KLHL8: variants seen among roughly 807,000 people sequenced by gnomAD.
KLHL8 encodes kelch-like protein 8.
A neutral mutation model predicts 63.5 loss-of-function variants in KLHL8; 38 were observed. That is an observed-to-expected ratio of 0.60 (90% CI 0.46 to 0.78). KLHL8 has a LOEUF of 0.78. KLHL8 is among the 30% of genes least tolerant of loss of function. KLHL8 has a pLI of 0.00. For missense variants in KLHL8, 566 were observed against 752.4 expected, an observed-to-expected ratio of 0.75 and a Z score of 2.90; for synonymous variants, 224 against 254.3, an observed-to-expected ratio of 0.88 and a Z score of 1.13.
At chr4:87,176,620 T>C in intron 6 of KLHL8, 137 bp downstream of exon 6, 2 of 594,246 alleles carry the variant, frequency 3.4e-6, no homozygotes, top group Admixed American at 3.5e-5. Context: ...AGTATCACTT[T>C]GGACATGCTA....
At chr4:87,182,858 A>G (rs1731107339) in intron 4 of KLHL8, among the ~76,000 whole-genome samples, 1 of 152,182 alleles carries the variant, frequency 6.6e-6, no homozygotes, top group Non-Finnish European at 1.5e-5. Flanking sequence ...AGAAACCTAA[A>G]TAAGATACTC....
chr4:87,189,581 T>G (rs1460155896), intron 2 of KLHL8, among the ~76,000 whole-genome samples: 1 of 152,094 alleles, frequency 6.6e-6, no homozygotes, highest in African/African-American at 2.4e-5. Flanking sequence ...ACTCCACTAG[T>G]TAGGACTTCA....
At chr4:87,205,321 C>G (rs374631509) in intron 1 of KLHL8, among the ~76,000 whole-genome samples, 1 of 152,084 alleles carries the variant, frequency 6.6e-6, no homozygotes, top group African/African-American at 2.4e-5. Context: ...GTGGGAGGAT[C>G]GCTTGAGCCC....
chr4:87,176,545 A>G (rs1156432749), intron 6 of KLHL8, among the ~76,000 whole-genome samples: 2 of 152,194 alleles, frequency 1.3e-5, no homozygotes, highest in Non-Finnish European at 2.9e-5. Flanking sequence ...AACTGTGACT[A>G]CCATATGGTA....
intron 1 of KLHL8, among the ~76,000 whole-genome samples, chr4:87,232,747 T>G (rs6846247): frequency 0.028 from 4,339 of 152,278 alleles, 203 homozygotes; most frequent in African/African-American, 0.099. Flanking sequence ...GTTTTAATTT[T>G]TCCCTAATCT....
chr4:87,202,286 A>G (rs1731949191), intron 1 of KLHL8, among the ~76,000 whole-genome samples: 1 of 152,156 alleles, frequency 6.6e-6, no homozygotes, highest in South Asian at 2.1e-4. Context: ...TTTTTAAAAG[A>G]TCAACATATT....
chr4:87,185,670 C>T lies in KLHL8; in HGVS notation c.346G>A (p.Asp116Asn), dbSNP rs150632753. ...TLIEIRDFDG[D>N]AIEDLVKFVY... ...AACTTTACCAAGTCTTCTATTGCAT[C>T]ACCATCAAAATCTCTAATCTCAATC... The change falls in exon 3 of 10, where the codon GAT (aspartate) becomes AAT (asparagine). Residue 116 changes from aspartate to asparagine, a missense_variant. By Grantham distance (23) the Asp-to-Asn change is conservative. Transcript: ENST00000273963. 6.9e-5 allele frequency: 111 copies of T among 1,614,170 alleles called. No homozygotes were observed. In the African/African-American group the frequency reaches 1.3e-3, roughly 19 times the overall value.
chr4:87,169,631 G>A (rs764695898), intron 8 of KLHL8, among the ~76,000 whole-genome samples: 4 of 152,196 alleles, frequency 2.6e-5, no homozygotes, highest in Admixed American at 6.5e-5. Flanking sequence ...GGAGGGCAAG[G>A]CAGGAGGATC....
intron 1 of KLHL8, among the ~76,000 whole-genome samples, chr4:87,237,919 CTGTT>C (rs1443536298): frequency 6.6e-6 from 1 of 152,022 alleles, no homozygotes; most frequent in Admixed American, 6.6e-5. Context: ...TATCTGTGTT[CTGTT>C]AATGTGTTTT....
chr4:87,164,944 C>T lies in KLHL8; in HGVS notation c.1538-865G>A, dbSNP rs184742842. 2.0e-3 allele frequency among the ~76,000 whole-genome samples: 309 copies of T among 151,884 alleles called. 4 individuals carry two copies. In the East Asian group the frequency reaches 0.03, roughly 15 times the overall value. ...GGGGCCGATCACGAGGTCAGGAGAT[C>T]GAGACCATCCTGGCTAACACGGTGA... On this transcript the variant is annotated intron_variant, in intron 8 of 9. Transcript: ENST00000273963.
chr4:87,213,193 C>T (rs1732475170), intron 1 of KLHL8, among the ~76,000 whole-genome samples: 1 of 152,100 alleles, frequency 6.6e-6, no homozygotes, highest in African/African-American at 2.4e-5. Flanking sequence ...GTCTAAAAGT[C>T]TAGTATAAAG....
At chr4:87,167,599 G>A (rs1730452225) in intron 8 of KLHL8, 1 of 505,116 alleles carries the variant, frequency 2.0e-6, no homozygotes, top group Admixed American at 2.2e-5. Flanking sequence ...GCCATCCACA[G>A]GAAGCAGCAC....
At chr4:87,208,863 T>C (rs573626920) in intron 1 of KLHL8, among the ~76,000 whole-genome samples, 17 of 152,364 alleles carry the variant, frequency 1.1e-4, no homozygotes, top group African/African-American at 4.1e-4. Flanking sequence ...ACTATTTCTA[T>C]GAAAAGGGCT....
intron 8 of KLHL8, among the ~76,000 whole-genome samples, chr4:87,168,706 ATGTGTATATATATACGTATATATATG>A (rs1304825836): frequency 4.1e-5 from 6 of 146,138 alleles, no homozygotes; most frequent in Admixed American, 1.4e-4. Flanking sequence ...ACGTATATAT[ATGTGTATATATATACGTATATATATG>A]TGTGTATATA....
At position 87,170,235 on chromosome 4, in the gene KLHL8, G is replaced by C. The variant is rs960585682; in HGVS notation, c.1381C>G (p.His461Asp). Residue 461 changes from histidine (H) to aspartate (D), a missense_variant, in exon 8 of 10, where the codon CAT (histidine) becomes GAT (aspartate). By Grantham distance (81) the His-to-Asp change is moderately conservative. Coordinates refer to ENST00000273963, the MANE Select transcript of KLHL8 (RefSeq NM_020803.5). ...TCATTGCCACCTACTGCATAAACATGGTTCTAAATGAAGAGAGTCAAACAA... is the reference window on the plus strand; with the variant it reads ...TCATTGCCACCTACTGCATAAACATCGTTCTAAATGAAGAGAGTCAAACAA... The part of the protein sequence containing the change: ...GGVGSVALVN[H>D]VYAVGGNDGM... The C allele has an allele frequency of 6.2e-7, 1 of 1,605,766 alleles. No individual in the cohort carries two copies. Among genetic ancestry groups the C allele is most frequent in the Non-Finnish European group, 8.5e-7 (1 of 1,176,992 alleles).
rs1293655729 is a variant in KLHL8, at chr4:87,170,273, T to C, written c.1378-35A>G. ...GAGAGTCAAACAAAACACATTAGAT[T>C]TCGAATTTATTTATATATTGTTTTA... On this transcript the variant is annotated intron_variant, in intron 7 of 9. Coordinates refer to ENST00000273963, the MANE Select transcript of KLHL8 (RefSeq NM_020803.5). 6 of 1,575,726 alleles carry C rather than the reference T, an allele frequency of 3.8e-6. No homozygotes were observed. The African/African-American group carries it at 8.2e-5, about 22-fold the overall frequency.
Position 87,163,467 on chromosome 4 carries a change from T to G in KLHL8, c.*52A>C. 6.3e-7 allele frequency: 1 copy of G among 1,581,832 alleles called. No homozygotes were observed. Among genetic ancestry groups the G allele is most frequent in the Non-Finnish European group, 8.6e-7 (1 of 1,163,882 alleles). Reference sequence around the variant, plus strand: ...AAGGTGGTCATATCAAAATCTTGGTTTTCTTTTGTACCTATCAGATATGAC... The same window carrying G: ...AAGGTGGTCATATCAAAATCTTGGTGTTCTTTTGTACCTATCAGATATGAC... On this transcript the variant is annotated 3_prime_UTR_variant, in exon 10 of 10. Coordinates refer to ENST00000273963, the MANE Select transcript of KLHL8 (RefSeq NM_020803.5).
Position 87,187,357 on chromosome 4 carries a change from G to A in KLHL8, c.217-1558C>T, listed in dbSNP as rs116311411. Among the ~76,000 whole-genome samples, 710 of 151,106 alleles carry A rather than the reference G, an allele frequency of 4.7e-3. 9 individuals are homozygous for A. Among genetic ancestry groups the A allele is most frequent in the African/African-American group, 0.016 (649 of 41,190 alleles). ...ATTATAGGTGTGAGCCATTGTGCCC[G>A]GCCATAGTTGCCAATTTGATGAATA... On this transcript the variant is annotated intron_variant, in intron 2 of 9. Coordinates refer to ENST00000273963, the MANE Select transcript of KLHL8 (RefSeq NM_020803.5).
Position 87,162,956 on chromosome 4 carries a change from AAGAC to A in KLHL8, c.*559_*562del, listed in dbSNP as rs1046348327. Reference sequence around the variant, plus strand: ...AAAATGCAGCTAAGTGGCATTCAAAAAGACAGAACATTTTTTCTACTTCCGTAAA... The same window carrying A: ...AAAATGCAGCTAAGTGGCATTCAAAAAGAACATTTTTTCTACTTCCGTAAA... On this transcript the variant is annotated 3_prime_UTR_variant, in exon 10 of 10. Coordinates refer to ENST00000273963, the MANE Select transcript of KLHL8 (RefSeq NM_020803.5). The A allele has an allele frequency of 6.6e-6, 1 of 152,208 alleles. No homozygotes were observed. The highest frequency in any genetic ancestry group is 2.4e-5 in the African/African-American group (1 of 41,460). 9.4% of individuals were successfully genotyped at this position (152,208 alleles called of 1,614,324 possible). A position where few individuals can be genotyped will look rare whatever the true frequency, so the allele number is the denominator to read the frequency against.
Sources: allele counts gnomAD v4.1 joint callset (sites outside exome capture counted in the v4.1 genomes callset), GRCh38; gene constraint gnomAD v4.1.1; transcripts MANE v1.5; gene names NCBI Gene and HGNC (gene_info 2026-07-23, HGNC 2026-07-21).